LRP5: variants seen among roughly 807,000 people sequenced by gnomAD.
The protein encoded by LRP5 is LDL receptor related protein 5, also known as low-density lipoprotein receptor-related protein 5.
LRP5 carries 62 observed loss-of-function variants against 154.1 expected under a neutral mutation model. That is an observed-to-expected ratio of 0.40 (90% CI 0.33 to 0.50). LRP5 has a LOEUF of 0.50. Ranked by LOEUF, LRP5 falls within the 20% of genes least tolerant of loss-of-function variation. The pLI is 0.55. For synonymous variants in LRP5, 966 were observed against 1,011.5 expected, an observed-to-expected ratio of 0.96 and a Z score of 0.85; for missense variants, 1,915 against 2,336.7, an observed-to-expected ratio of 0.82 and a Z score of 3.72.
chr11:68,359,591 A>G (rs941481596), intron 3 of LRP5, among the ~76,000 whole-genome samples: 1 of 152,194 alleles, frequency 6.6e-6, no homozygotes, highest in Non-Finnish European at 1.5e-5. Context: ...ATCCTTCCAT[A>G]GCACTTACTG....
chr11:68,431,186 G>A (rs986373461), intron 17 of LRP5, among the ~76,000 whole-genome samples: 4 of 149,830 alleles, frequency 2.7e-5, no homozygotes, highest in African/African-American at 4.9e-5. Flanking sequence ...GTTCCTGGGG[G>A]TTCAGCTTCA....
upstream of LRP5, among the ~76,000 whole-genome samples, chr11:68,311,399 C>G (rs2098587745): frequency 1.3e-5 from 2 of 152,256 alleles, no homozygotes; most frequent in South Asian, 4.1e-4. Flanking sequence ...GATGTCTGCT[C>G]TTCCTGAACT....
intron 3 of LRP5, among the ~76,000 whole-genome samples, chr11:68,362,950 T>C (rs1375589879): frequency 6.6e-6 from 1 of 151,598 alleles, no homozygotes; most frequent in African/African-American, 2.4e-5. Context: ...CAAATAAAAC[T>C]GCACATTACC....
Position 68,426,205 on chromosome 11 carries a change from G to C in LRP5, c.3637+18G>C, listed in dbSNP as rs759184183. 19 of 1,605,618 alleles carry C rather than the reference G, an allele frequency of 1.2e-5. No individual in the cohort carries two copies. The highest frequency in any genetic ancestry group is 3.3e-5 in the Admixed American group (2 of 59,968). ...GGAGTTCTGTACGTGGGGGCTGGCA[G>C]TGGGGTGGGCAGGGTGGCCTCTAAA... On this transcript the variant is annotated intron_variant, in intron 16 of 22. Transcript: ENST00000294304.
At chr11:68,443,745 G>A (rs911750244) in intron 21 of LRP5, among the ~76,000 whole-genome samples, 2 of 148,926 alleles carry the variant, frequency 1.3e-5, no homozygotes, top group Middle Eastern at 3.4e-3. Flanking sequence ...TGTAACCTCC[G>A]CCTCCCGGGT....
At chr11:68,445,147 T>C (rs1055433341) in intron 21 of LRP5, among the ~76,000 whole-genome samples, 4 of 152,176 alleles carry the variant, frequency 2.6e-5, no homozygotes, top group Admixed American at 2.0e-4. Flanking sequence ...TTGCCCAGGC[T>C]GGAGTGCAGT....
intron 7 of LRP5, among the ~76,000 whole-genome samples, chr11:68,392,116 T>G (rs2098646677): frequency 6.6e-6 from 1 of 152,200 alleles, no homozygotes; most frequent in Admixed American, 6.5e-5. Context: ...CCCAAAGTGC[T>G]GGGATGACAG....
chr11:68,380,223 C>T (rs569171472), intron 5 of LRP5, among the ~76,000 whole-genome samples: 3 of 152,228 alleles, frequency 2.0e-5, no homozygotes, highest in African/African-American at 4.8e-5. Context: ...GCCATGAGCT[C>T]GGAATGCTTT....
At chr11:68,427,466 G>A (rs2098669410) in intron 16 of LRP5, among the ~76,000 whole-genome samples, 1 of 152,172 alleles carries the variant, frequency 6.6e-6, no homozygotes, top group African/African-American at 2.4e-5. Context: ...GATCACTTGA[G>A]GTTGGGAGTT....
chr11:68,394,453 C>T (rs980614288), intron 7 of LRP5, among the ~76,000 whole-genome samples: 3 of 150,778 alleles, frequency 2.0e-5, no homozygotes. Flanking sequence ...GTGAGCACTG[C>T]GTGTTGATTA....
chr11:68,338,136 A>G (rs2098606760), intron 1 of LRP5, among the ~76,000 whole-genome samples: 1 of 152,240 alleles, frequency 6.6e-6, no homozygotes, highest in Admixed American at 6.5e-5. Flanking sequence ...CACTGGACGC[A>G]GGATCATTCC....
At chr11:68,355,017 C>T (rs1236243962) in intron 2 of LRP5, among the ~76,000 whole-genome samples, 1 of 152,204 alleles carries the variant, frequency 6.6e-6, no homozygotes, top group Non-Finnish European at 1.5e-5. Context: ...CTCCTATGCC[C>T]TCATTCTTGT....
chr11:68,299,314 G>A, the LRP5 span, among the ~76,000 whole-genome samples: 22 of 152,320 alleles, frequency 1.4e-4, no homozygotes, highest in African/African-American at 4.8e-4. Context: ...GAGAGGAGTA[G>A]CAGCTCAGGG....
chr11:68,402,120 T>A (rs540886117), intron 7 of LRP5, among the ~76,000 whole-genome samples: 1 of 152,312 alleles, frequency 6.6e-6, no homozygotes, highest in African/African-American at 2.4e-5. Context: ...TCTGGTAAGC[T>A]GGAAATGTAA....
At position 68,366,344 on chromosome 11, in the gene LRP5, TCC is replaced by T. The variant is rs555293941; in HGVS notation, c.1015+643_1015+644del. 6.6e-5 allele frequency among the ~76,000 whole-genome samples: 10 copies of T among 151,658 alleles called. No individual in the cohort carries two copies. The South Asian group carries it at 1.9e-3, about 28-fold the overall frequency. ...CAGGGGGCTTCCAAGTGGGCTGGCTTCCACACTCAGGAACAGTCCTAAGGGCA... is the reference window on the plus strand; with the variant it reads ...CAGGGGGCTTCCAAGTGGGCTGGCTTACACTCAGGAACAGTCCTAAGGGCA... On this transcript the variant is annotated intron_variant, in intron 5 of 22. Coordinates refer to ENST00000294304, the MANE Select transcript of LRP5 (RefSeq NM_002335.4).
At chr11:68,436,723 G>T in intron 18 of LRP5, among the ~76,000 whole-genome samples, 166 bp from the exon 19 acceptor site, 1 of 152,210 alleles carries the variant, frequency 6.6e-6, no homozygotes, top group East Asian at 1.9e-4. Context: ...TCGCCACAGG[G>T]TCATCGAGGG....
intron 13 of LRP5, among the ~76,000 whole-genome samples, chr11:68,417,449 C>CA (rs2098663193): frequency 2.4e-5 from 1 of 41,598 alleles, no homozygotes; most frequent in Non-Finnish European, 4.0e-5. Context: ...AACAGATTGG[C>CA]TTTTTTTTTT....
chr11:68,403,314 A>G (rs1191894094), intron 7 of LRP5, among the ~76,000 whole-genome samples, 169 bp from the exon 8 acceptor site: 2 of 152,140 alleles, frequency 1.3e-5, no homozygotes, highest in Non-Finnish European at 2.9e-5. Flanking sequence ...CCCCTGGGGA[A>G]CCATGCTACC....
chr11:68,405,489 A>G lies in LRP5; in HGVS notation c.1802-1035A>G, dbSNP rs1026024928. Reference sequence around the variant, plus strand: ...TGTCTCAAAAAAAAAAAAAAAAAAAAGCATTTACTATCCACCATGGAAGGT... The same window carrying G: ...TGTCTCAAAAAAAAAAAAAAAAAAAGGCATTTACTATCCACCATGGAAGGT... On this transcript the variant is annotated intron_variant, in intron 8 of 22. Coordinates refer to ENST00000294304, the MANE Select transcript of LRP5 (RefSeq NM_002335.4). Among the ~76,000 whole-genome samples, 116 of 150,758 alleles carry G rather than the reference A, an allele frequency of 7.7e-4. 1 individual carries two copies. The highest frequency in any genetic ancestry group is 2.7e-3 in the African/African-American group (112 of 41,084).
Sources: gnomAD v4.1 joint callset for allele counts (sites outside exome capture counted in the v4.1 genomes callset) on GRCh38, gnomAD v4.1.1 for gene constraint, MANE v1.5 for transcripts, NCBI Gene and HGNC (gene_info 2026-07-23, HGNC 2026-07-21) for gene names.